Variants in PRKAR1A observed in about 807,000 individuals in gnomAD.
The protein encoded by PRKAR1A is protein kinase cAMP-dependent type I regulatory subunit alpha.
PRKAR1A carries 3 observed loss-of-function variants against 52.0 expected under a neutral mutation model. That is an observed-to-expected ratio of 0.06 (90% confidence interval 0.03 to 0.15). The LOEUF (loss-of-function observed/expected upper bound fraction) is 0.15, where lower values mean the gene tolerates loss of function less well. Among genes scored for constraint, PRKAR1A ranks in the 10% least tolerant of loss-of-function variants. The pLI is 1.00. For missense variants in PRKAR1A, 240 were observed against 477.4 expected (o/e 0.50, Z 4.63); for synonymous variants, 188 against 168.4 (o/e 1.12, Z -0.90).
At chr17:68,424,002 C>T in the PRKAR1A span, among the ~76,000 whole-genome samples, 5 of 152,156 alleles carry the variant, frequency 3.3e-5, no homozygotes, top group Middle Eastern at 3.2e-3. Context: ...TTTGTCCCCA[C>T]GGTGTCTGAC....
chr17:68,442,904 C>A, the PRKAR1A span, among the ~76,000 whole-genome samples: 1 of 152,130 alleles, frequency 6.6e-6, no homozygotes, highest in Non-Finnish European at 1.5e-5. Context: ...CCTAATGGTG[C>A]CTACTATGGT....
chr17:68,461,954 G>C, the PRKAR1A span, among the ~76,000 whole-genome samples: 1 of 152,174 alleles, frequency 6.6e-6, no homozygotes, highest in Non-Finnish European at 1.5e-5. This position sits in a 1 kb window ranked among gnomAD's most constrained non-coding sequence, Gnocchi z 4.6. Flanking sequence ...TCTAATTATA[G>C]ACAGTGTGTG....
the PRKAR1A span, chr17:68,426,234 C>CGGGG: frequency 1.4e-6 from 1 of 705,816 alleles, no homozygotes; most frequent in Non-Finnish European, 2.0e-6. Context: ...ATGCCATGAC[C>CGGGG]TGGCGGGTGG....
At chr17:68,421,982 G>T in the PRKAR1A span, 1 of 753,974 alleles carries the variant, frequency 1.3e-6, no homozygotes, top group Non-Finnish European at 2.3e-6. Flanking sequence ...TGGTCACCCA[G>T]CTTATTTAGG....
the PRKAR1A span, chr17:68,457,631 C>T: frequency 2.9e-6 from 1 of 343,258 alleles, no homozygotes; most frequent in Non-Finnish European, 4.9e-6. Context: ...CCCTTCTCGC[C>T]CCTCCAGCTG....
intron 11 of PRKAR1A, chr17:68,541,820 G>T (rs2086309805): frequency 1.0e-5 from 8 of 768,422 alleles, no homozygotes; most frequent in Non-Finnish European, 1.7e-5. Flanking sequence ...TGAACTAAAG[G>T]GGAGAACAGA....
At chr17:68,465,331 A>C in the PRKAR1A span, among the ~76,000 whole-genome samples, 1 of 152,098 alleles carries the variant, frequency 6.6e-6, no homozygotes, top group Non-Finnish European at 1.5e-5. Context: ...TCTTGGCTTG[A>C]TGAGGGTTTA....
At chr17:68,492,682 A>G in the PRKAR1A span, among the ~76,000 whole-genome samples, 1 of 152,204 alleles carries the variant, frequency 6.6e-6, no homozygotes, top group African/African-American at 2.4e-5. Flanking sequence ...AATCTGTATC[A>G]GTATGAGTCT....
chr17:68,468,406 G>T, the PRKAR1A span, among the ~76,000 whole-genome samples: 1 of 152,206 alleles, frequency 6.6e-6, no homozygotes, highest in African/African-American at 2.4e-5. Context: ...GAACTGGAAC[G>T]AAATGTCCTG....
chr17:68,468,253 T>C, the PRKAR1A span, among the ~76,000 whole-genome samples: 3 of 152,074 alleles, frequency 2.0e-5, no homozygotes, highest in Non-Finnish European at 4.4e-5. Flanking sequence ...AGGGCATGTC[T>C]AGGAGGTATT....
chr17:68,457,592 TCCCCGCCGCGTCCCCGGCTTCG>T, the PRKAR1A span: 1 of 292,428 alleles, frequency 3.4e-6, no homozygotes, highest in Non-Finnish European at 5.0e-6. Flanking sequence ...CCCCGCCCCG[TCCCCGCCGCGTCCCCGGCTTCG>T]CCCCGCCCCT....
chr17:68,527,542 AT>A, intron 7 of PRKAR1A: 1 of 374,100 alleles, frequency 2.7e-6, no homozygotes. Flanking sequence ...ATAAACCGGT[AT>A]TTCGACTGTA....
At chr17:68,450,626 T>C in the PRKAR1A span, 5 of 1,429,672 alleles carry the variant, frequency 3.5e-6, no homozygotes, top group Admixed American at 6.6e-5. Flanking sequence ...CTCATTAGAA[T>C]TGGAAGCTTG....
At chr17:68,507,438 A>G (rs1213161920), upstream of PRKAR1A, among the ~76,000 whole-genome samples, 1 of 152,190 alleles carries the variant, frequency 6.6e-6, no homozygotes, top group Non-Finnish European at 1.5e-5. Context: ...TACAAGTGGG[A>G]GCTGAACAAT....
intron 9 of PRKAR1A, 96 bp from the exon 10 acceptor site, chr17:68,529,824 C>T: frequency 8.8e-7 from 1 of 1,137,646 alleles, no homozygotes; most frequent in Non-Finnish European, 1.3e-6. Context: ...CATATGCACA[C>T]ATTTGCAAGG....
the PRKAR1A span, among the ~76,000 whole-genome samples, chr17:68,418,665 A>C: frequency 6.6e-6 from 1 of 152,144 alleles, no homozygotes; most frequent in Non-Finnish European, 1.5e-5. Flanking sequence ...ATCTGCCCTC[A>C]TCATATAGTA....
chr17:68,513,226 C>T (rs1021437738), intron 1 of PRKAR1A: 1 of 152,240 alleles, frequency 6.6e-6, no homozygotes, highest in East Asian at 1.9e-4. Context: ...CCGTGGCCTA[C>T]GTGAAGTGAA....
the PRKAR1A span, chr17:68,421,648 T>C: frequency 2.2e-5 from 30 of 1,391,560 alleles, no homozygotes; most frequent in South Asian, 3.1e-4. Flanking sequence ...GTTTAAGCAG[T>C]GGAGCACCCG....
At chr17:68,544,933 A>G (rs2086478187) in intron 11 of PRKAR1A, among the ~76,000 whole-genome samples, 1 of 152,192 alleles carries the variant, frequency 6.6e-6, no homozygotes, top group Admixed American at 6.5e-5. Flanking sequence ...TTTACTTTAG[A>G]TCAGTGCTTC....
Sources: gnomAD v4.1 joint callset for allele counts (sites outside exome capture counted in the v4.1 genomes callset) on GRCh38, gnomAD v4.1.1 for gene constraint, Gnocchi (gnomAD v3.1) non-coding constraint, MANE v1.5 for transcripts, NCBI Gene and HGNC (gene_info 2026-07-23, HGNC 2026-07-21) for gene names.